FANCB: variants seen among roughly 807,000 people sequenced by gnomAD.
The protein encoded by FANCB is FA complementation group B.
In FANCB, 5 loss-of-function variants were observed where a neutral mutation model predicts 38.9. The ratio of observed to expected loss-of-function variants is 0.13; its 90% confidence interval spans 0.07 to 0.27. The LOEUF (loss-of-function observed/expected upper bound fraction) is 0.27, where lower values mean the gene tolerates loss of function less well. Ranked by LOEUF, FANCB falls within the 10% of genes least tolerant of loss-of-function variation. The pLI is 1.00. For synonymous variants in FANCB, 236 were observed against 215.4 expected (o/e 1.10, Z -0.84); for missense variants, 573 against 602.7 (o/e 0.95, Z 0.52).
the FANCB span, among the ~76,000 whole-genome samples, chrX:14,758,022 G>C: frequency 9.0e-6 from 1 of 111,660 alleles, no homozygotes; most frequent in Admixed American, 9.4e-5. Context: ...GGGGAGGCAC[G>C]GTGGAATTGA....
the FANCB span, among the ~76,000 whole-genome samples, chrX:14,804,385 C>T: frequency 9.0e-6 from 1 of 111,612 alleles, no homozygotes; most frequent in Admixed American, 9.5e-5. Context: ...ATCGCAAGGA[C>T]AGAAAACCAA....
the FANCB span, chrX:14,730,811 A>G: frequency 5.1e-6 from 1 of 195,498 alleles, no homozygotes; most frequent in East Asian, 1.2e-4. Flanking sequence ...ATGCGGGGTC[A>G]AGTTCTTAAG....
At chrX:14,776,690 T>C in the FANCB span, among the ~76,000 whole-genome samples, 10 of 112,351 alleles carry the variant, frequency 8.9e-5, no homozygotes, top group Non-Finnish European at 1.5e-4. Context: ...AAATCTTGAC[T>C]GCTAAAATAA....
At chrX:14,857,779 C>A in intron 5 of FANCB, 83 bp downstream of exon 5, 1 of 701,016 alleles carries the variant, frequency 1.4e-6, no homozygotes, top group Non-Finnish European at 2.3e-6. Context: ...GTTGCTTATA[C>A]TTTAAGGACC....
intron 1 of FANCB, among the ~76,000 whole-genome samples, chrX:14,871,640 G>GTATATATATATATA (rs751128085): frequency 1.1e-4 from 8 of 73,507 alleles, no homozygotes; most frequent in African/African-American, 4.4e-4. Flanking sequence ...GTGTGTGTGT[G>GTATATATATATATA]TATATATATA....
At chrX:14,744,628 T>TAA in the FANCB span, among the ~76,000 whole-genome samples, 5 of 58,880 alleles carry the variant, frequency 8.5e-5, no homozygotes, top group African/African-American at 3.5e-4. Context: ...GGGAAAAAAT[T>TAA]AAAAAGCCAT....
the FANCB span, among the ~76,000 whole-genome samples, chrX:14,802,633 C>A: frequency 1.8e-5 from 2 of 110,642 alleles, no homozygotes; most frequent in South Asian, 7.6e-4. Context: ...ATGGTGGGGA[C>A]CTAAGGAAAG....
the FANCB span, among the ~76,000 whole-genome samples, chrX:14,703,025 G>T: frequency 5.2e-4 from 58 of 111,730 alleles, no homozygotes; most frequent in South Asian, 5.3e-3. Flanking sequence ...GCAGTGCCAT[G>T]GGACCTTATA....
chrX:14,857,286 T>C (rs1036726931), intron 5 of FANCB, among the ~76,000 whole-genome samples: 2 of 112,423 alleles, frequency 1.8e-5, no homozygotes, highest in African/African-American at 6.5e-5. Flanking sequence ...ATGCGTATAT[T>C]CATTTAAAAA....
chrX:14,793,252 A>G, the FANCB span, among the ~76,000 whole-genome samples: 1 of 112,571 alleles, frequency 8.9e-6, no homozygotes, highest in African/African-American at 3.2e-5. Flanking sequence ...GACACATGCT[A>G]TAACATGAAT....
At chrX:14,799,522 T>C in the FANCB span, among the ~76,000 whole-genome samples, 1 of 111,974 alleles carries the variant, frequency 8.9e-6, no homozygotes, top group Non-Finnish European at 1.9e-5. Context: ...GTAACAAATA[T>C]CTAAAAATGT....
chrX:14,733,948 AT>A, the FANCB span, among the ~76,000 whole-genome samples: 2 of 112,315 alleles, frequency 1.8e-5, no homozygotes, highest in East Asian at 5.5e-4. Context: ...ACATTTTAAT[AT>A]GTTTATTTTG....
chrX:14,839,636 AAAGC>A (rs2092349684), downstream of FANCB, among the ~76,000 whole-genome samples: 1 of 111,341 alleles, frequency 9.0e-6, no homozygotes, highest in African/African-American at 3.3e-5. Context: ...AAAAGGAAAA[AAAGC>A]AAGCCACTGC....
the FANCB span, among the ~76,000 whole-genome samples, chrX:14,697,074 A>T: frequency 7.8e-5 from 8 of 102,901 alleles, no homozygotes; most frequent in Non-Finnish European, 1.0e-4. Flanking sequence ...TTTTTAAAAA[A>T]GTCTGAACCA....
At chrX:14,833,464 C>G (rs1334697832), downstream of FANCB, among the ~76,000 whole-genome samples, 1 of 112,073 alleles carries the variant, frequency 8.9e-6, no homozygotes, top group Non-Finnish European at 1.9e-5. Context: ...CCTAGACTTA[C>G]GGAATCACAA....
chrX:14,757,881 G>C, the FANCB span, among the ~76,000 whole-genome samples: 1 of 111,653 alleles, frequency 9.0e-6, no homozygotes, highest in Admixed American at 9.4e-5. Context: ...CAGAAGCCAC[G>C]GCAGGCAGGC....
chrX:14,701,709 C>T, the FANCB span, among the ~76,000 whole-genome samples: 2 of 112,739 alleles, frequency 1.8e-5, no homozygotes, highest in Non-Finnish European at 3.7e-5. Flanking sequence ...TGCAATAAAA[C>T]AGTTAACTCT....
At chrX:14,734,522 C>G in the FANCB span, among the ~76,000 whole-genome samples, 2 of 111,689 alleles carry the variant, frequency 1.8e-5, no homozygotes, top group East Asian at 5.6e-4. Context: ...GTTGAAAATT[C>G]TTTTCTTTAA....
the FANCB span, among the ~76,000 whole-genome samples, chrX:14,801,550 T>C: frequency 8.9e-6 from 1 of 112,267 alleles, no homozygotes; most frequent in African/African-American, 3.2e-5. Context: ...ATAGGATAGA[T>C]TAAATGGAAT....
Sources: gnomAD v4.1 joint callset for allele counts (sites outside exome capture counted in the v4.1 genomes callset) on GRCh38, gnomAD v4.1.1 for gene constraint, MANE v1.5 for transcripts, NCBI Gene and HGNC (gene_info 2026-07-23, HGNC 2026-07-21) for gene names.